ADCY1: variants seen among roughly 807,000 people sequenced by gnomAD.
ADCY1 encodes the protein adenylate cyclase type 1.
In ADCY1, 28 loss-of-function variants were observed where a neutral mutation model predicts 105.4. The observed-to-expected ratio is 0.27, with a 90% CI of 0.20 to 0.36. ADCY1 has a LOEUF of 0.36. Ranked by LOEUF, ADCY1 falls within the 10% of genes least tolerant of loss-of-function variation. The pLI is 1.00. For missense variants in ADCY1, 977 were observed against 1,434.2 expected, an observed-to-expected ratio of 0.68 and a Z score of 5.15; for synonymous variants, 655 against 623.8, an observed-to-expected ratio of 1.05 and a Z score of -0.75.
chr7:45,590,828 C>G (rs980237872), intron 1 of ADCY1, among the ~76,000 whole-genome samples: 2 of 152,132 alleles, frequency 1.3e-5, no homozygotes, highest in African/African-American at 4.8e-5. Flanking sequence ...AGGGTGTGGT[C>G]AGGGTGGTGC....
At chr7:45,611,629 G>A (rs756037404) in intron 3 of ADCY1, among the ~76,000 whole-genome samples, 19 of 131,934 alleles carry the variant, frequency 1.4e-4, no homozygotes, top group South Asian at 8.0e-4. Flanking sequence ...ACACTCTGAG[G>A]TTTGCTTGTT....
At chr7:45,601,822 C>G (rs939282933) in intron 2 of ADCY1, among the ~76,000 whole-genome samples, 47 of 152,086 alleles carry the variant, frequency 3.1e-4, no homozygotes, top group African/African-American at 1.0e-3. Context: ...CAGACATGTC[C>G]AGCCTGGAGA....
At chr7:45,604,612 T>G (rs1793326883) in intron 2 of ADCY1, among the ~76,000 whole-genome samples, 1 of 152,212 alleles carries the variant, frequency 6.6e-6, no homozygotes, top group Non-Finnish European at 1.5e-5. Context: ...TTTGAACCTT[T>G]GTCAAAAATT....
At chr7:45,628,231 G>A (rs776281016) in intron 4 of ADCY1, among the ~76,000 whole-genome samples, 4 of 152,194 alleles carry the variant, frequency 2.6e-5, no homozygotes, top group Admixed American at 2.0e-4. Flanking sequence ...AGGCCACTAG[G>A]CCTCAGAGGT....
intron 4 of ADCY1, among the ~76,000 whole-genome samples, chr7:45,635,610 T>TG (rs1794381841): frequency 7.2e-6 from 1 of 138,480 alleles, no homozygotes; most frequent in South Asian, 2.3e-4. Flanking sequence ...TGTTTTTTTT[T>TG]TTTTTTTTTT....
chr7:45,626,478 G>A (rs1169400398), intron 4 of ADCY1, among the ~76,000 whole-genome samples: 2 of 152,174 alleles, frequency 1.3e-5, no homozygotes, highest in African/African-American at 4.8e-5. Flanking sequence ...GGGTAGCAGG[G>A]CTGACAGTGC....
chr7:45,607,853 C>T (rs937400419), intron 2 of ADCY1, among the ~76,000 whole-genome samples: 15 of 152,146 alleles, frequency 9.9e-5, no homozygotes, highest in African/African-American at 3.4e-4. Context: ...TTGATGGGCA[C>T]CTGTGTTGAT....
Position 45,683,883 on chromosome 7 carries a change from C to T in ADCY1, c.1984-1096C>T, listed in dbSNP as rs150693910. Among the ~76,000 whole-genome samples, 1,336 of 152,354 alleles carry T rather than the reference C, an allele frequency of 8.8e-3. 15 individuals carry two copies. Among genetic ancestry groups the T allele is most frequent in the Non-Finnish European group, 0.012 (812 of 68,030 alleles). On this transcript the variant is annotated intron_variant, in intron 11 of 19. Coordinates refer to ENST00000297323, the MANE Select transcript of ADCY1 (RefSeq NM_021116.4). ...TTGCTCTAAAATCCTGTTCCCAGGC[C>T]TGTGGTATGGCTCCCGCATGGGGGC...
At chr7:45,696,176 T>C (rs2471221) in intron 14 of ADCY1, among the ~76,000 whole-genome samples, 141,302 of 152,194 alleles carry the variant, frequency 0.93, 66,050 homozygotes, top group East Asian at 1. Context: ...CCGTGGCTCA[T>C]GCCTGTAATC....
At chr7:45,606,798 G>A (rs1467015455) in intron 2 of ADCY1, among the ~76,000 whole-genome samples, 1 of 152,072 alleles carries the variant, frequency 6.6e-6, no homozygotes, top group African/African-American at 2.4e-5. Flanking sequence ...AGCCTTTATA[G>A]GACACTGAGG....
intron 4 of ADCY1, among the ~76,000 whole-genome samples, chr7:45,634,010 T>G (rs1403563333): frequency 1.3e-5 from 2 of 152,138 alleles, no homozygotes; most frequent in Non-Finnish European, 2.9e-5. Flanking sequence ...ACATGGATTT[T>G]CAACTGTGTG....
chr7:45,664,861 C>T (rs1795228057), intron 8 of ADCY1, among the ~76,000 whole-genome samples: 1 of 152,060 alleles, frequency 6.6e-6, no homozygotes, highest in Non-Finnish European at 1.5e-5. Flanking sequence ...TTGCTGTACC[C>T]ATCAACCCGT....
At chr7:45,629,704 A>G (rs112693229) in intron 4 of ADCY1, among the ~76,000 whole-genome samples, 3,236 of 152,260 alleles carry the variant, frequency 0.021, 95 homozygotes, top group African/African-American at 0.062. Context: ...TATTTTTAGT[A>G]GAGACGGGGT....
At chr7:45,608,505 A>T (rs1793441768) in intron 2 of ADCY1, among the ~76,000 whole-genome samples, 1 of 152,190 alleles carries the variant, frequency 6.6e-6, no homozygotes, top group Non-Finnish European at 1.5e-5. Flanking sequence ...GCCAGCTGAT[A>T]GCTGGGTGAC....
At chr7:45,667,921 G>A (rs1302952940) in intron 8 of ADCY1, among the ~76,000 whole-genome samples, 1 of 151,764 alleles carries the variant, frequency 6.6e-6, no homozygotes, top group African/African-American at 2.4e-5. Flanking sequence ...TCATGATTTA[G>A]CTCTGTTTGT....
intron 8 of ADCY1, among the ~76,000 whole-genome samples, chr7:45,663,156 C>G (rs1795177398): frequency 6.6e-6 from 1 of 152,218 alleles, no homozygotes; most frequent in Non-Finnish European, 1.5e-5. Context: ...TCACCCTCTG[C>G]AGGCGTCCAG....
intron 8 of ADCY1, among the ~76,000 whole-genome samples, chr7:45,675,295 T>C (rs1349409646): frequency 1.3e-5 from 2 of 152,184 alleles, no homozygotes; most frequent in African/African-American, 4.8e-5. Context: ...GTAGAAACTT[T>C]ACCTCTTTTT....
intron 17 of ADCY1, among the ~76,000 whole-genome samples, chr7:45,705,618 T>A (rs1584344848): frequency 6.6e-6 from 1 of 152,200 alleles, no homozygotes. Context: ...TAGCTTGATA[T>A]ACCTAATGGA....
At chr7:45,635,321 A>G (rs1034907706) in intron 4 of ADCY1, among the ~76,000 whole-genome samples, 4 of 151,788 alleles carry the variant, frequency 2.6e-5, no homozygotes, top group African/African-American at 9.7e-5. Flanking sequence ...TTAAAAAATA[A>G]CTGCTTTTCA....
Sources: allele counts gnomAD v4.1 joint callset (sites outside exome capture counted in the v4.1 genomes callset), GRCh38; gene constraint gnomAD v4.1.1; transcripts MANE v1.5; gene names NCBI Gene and HGNC (gene_info 2026-07-23, HGNC 2026-07-21).